GRM8: variants seen among roughly 807,000 people sequenced by gnomAD.
GRM8 encodes glutamate metabotropic receptor 8.
A neutral mutation model predicts 87.2 loss-of-function variants in GRM8; 47 were observed. The observed-to-expected ratio is 0.54, with a 90% CI of 0.43 to 0.69. GRM8 has a LOEUF of 0.69. Ranked by LOEUF, GRM8 falls within the 30% of genes least tolerant of loss-of-function variation. The pLI, the probability that GRM8 is intolerant of heterozygous loss-of-function variation, is 0.00. For synonymous variants in GRM8, 396 were observed against 404.5 expected, an observed-to-expected ratio of 0.98 and a Z score of 0.25; for missense variants, 1,019 against 1,139.2, an observed-to-expected ratio of 0.89 and a Z score of 1.52.
At chr7:126,705,659 TAAAC>T (rs1259325562) in intron 7 of GRM8, among the ~76,000 whole-genome samples, 1 of 152,038 alleles carries the variant, frequency 6.6e-6, no homozygotes, top group Non-Finnish European at 1.5e-5. Context: ...GTATGTATAT[TAAAC>T]TAACAGGTTA....
chr7:126,842,804 A>T (rs1037242315), intron 6 of GRM8, among the ~76,000 whole-genome samples: 1 of 152,186 alleles, frequency 6.6e-6, no homozygotes, highest in African/African-American at 2.4e-5. Flanking sequence ...GATTCTCCCT[A>T]GAGCCTTCAG....
chr7:127,022,630 A>G (rs1351180533), intron 3 of GRM8, among the ~76,000 whole-genome samples: 1 of 152,078 alleles, frequency 6.6e-6, no homozygotes, highest in Non-Finnish European at 1.5e-5. Flanking sequence ...GACTTCTAGG[A>G]AGAAGCATAT....
At chr7:126,508,346 C>T (rs76998563) in intron 9 of GRM8, among the ~76,000 whole-genome samples, 29,543 of 151,698 alleles carry the variant, frequency 0.19, 3,376 homozygotes, top group Non-Finnish European at 0.24. Context: ...CTTGTAAAGG[C>T]CCTCTTGCTG....
At chr7:126,455,323 C>G (rs964255583) in intron 9 of GRM8, among the ~76,000 whole-genome samples, 1 of 151,100 alleles carries the variant, frequency 6.6e-6, no homozygotes. Flanking sequence ...ATATCCTTAC[C>G]ACACACCATC....
At chr7:127,074,494 G>C (rs1822060474) in intron 3 of GRM8, among the ~76,000 whole-genome samples, 1 of 152,154 alleles carries the variant, frequency 6.6e-6, no homozygotes, top group Admixed American at 6.6e-5. Context: ...CCCTGTTCTA[G>C]GTGATGAGTC....
chr7:126,996,075 C>T (rs965388224), intron 3 of GRM8, among the ~76,000 whole-genome samples: 5 of 151,904 alleles, frequency 3.3e-5, no homozygotes, highest in Admixed American at 6.6e-5. Flanking sequence ...AGGATAAAAA[C>T]GTTTTACCCT....
intron 3 of GRM8, among the ~76,000 whole-genome samples, chr7:127,013,408 C>G (rs970742904): frequency 6.6e-6 from 1 of 152,058 alleles, no homozygotes; most frequent in African/African-American, 2.4e-5. Context: ...AACACTTGAC[C>G]CATGGCTACT....
chr7:126,528,940 T>C lies in GRM8; in HGVS notation c.2430+4012A>G, dbSNP rs140740286. Among the ~76,000 whole-genome samples the C allele has an allele frequency of 1.3e-4, 20 of 152,322 alleles. No individual in the cohort carries two copies. The East Asian group carries it at 3.9e-3, about 29-fold the overall frequency. On this transcript the variant is annotated intron_variant, in intron 9 of 10. Coordinates refer to ENST00000339582, the MANE Select transcript of GRM8 (RefSeq NM_000845.3). ...GGCACACCTGTGTACCCCTACACTC[T>C]TCTGCCCCTAAGGTAGATAAATAGA... is the stretch of plus-strand genomic sequence containing the variant.
At chr7:126,909,737 G>A (rs1474678021) in intron 3 of GRM8, among the ~76,000 whole-genome samples, 6 of 151,948 alleles carry the variant, frequency 3.9e-5, no homozygotes, top group Admixed American at 3.9e-4. Context: ...CTCCTTTCCA[G>A]TCTCATTTAC....
At chr7:126,561,014 C>T (rs1056938237) in intron 8 of GRM8, among the ~76,000 whole-genome samples, 5 of 152,148 alleles carry the variant, frequency 3.3e-5, no homozygotes, top group African/African-American at 1.2e-4. Context: ...GATTAGTCAG[C>T]TTTACTTCCT....
chr7:126,542,126 A>T (rs1306634433), intron 8 of GRM8, among the ~76,000 whole-genome samples: 1 of 152,196 alleles, frequency 6.6e-6, no homozygotes, highest in Non-Finnish European at 1.5e-5. Flanking sequence ...CTATGCCAAC[A>T]TCTTGGACTT....
intron 2 of GRM8, among the ~76,000 whole-genome samples, chr7:127,143,194 T>C (rs1361487969): frequency 6.6e-6 from 1 of 152,160 alleles, no homozygotes; most frequent in Non-Finnish European, 1.5e-5. Flanking sequence ...TAGGTAAGCC[T>C]GTTGGAAGGG....
chr7:126,644,729 T>C (rs1258268389), intron 7 of GRM8, among the ~76,000 whole-genome samples: 1 of 152,212 alleles, frequency 6.6e-6, no homozygotes, highest in East Asian at 1.9e-4. Context: ...GTTTAACAGC[T>C]GATTATCAAG....
At chr7:126,655,061 A>T (rs560052414) in intron 7 of GRM8, among the ~76,000 whole-genome samples, 1 of 152,382 alleles carries the variant, frequency 6.6e-6, no homozygotes, top group South Asian at 2.1e-4. Context: ...AAGTAAAAAA[A>T]GAACATACAT....
At chr7:126,829,314 C>T (rs1795123566) in intron 6 of GRM8, among the ~76,000 whole-genome samples, 1 of 137,218 alleles carries the variant, frequency 7.3e-6, no homozygotes, top group Non-Finnish European at 1.6e-5. Flanking sequence ...TTAAAGTCTC[C>T]CATTATTATT....
chr7:126,470,774 C>T (rs1012022197), intron 9 of GRM8, among the ~76,000 whole-genome samples: 1 of 152,154 alleles, frequency 6.6e-6, no homozygotes, highest in African/African-American at 2.4e-5. Context: ...ACACTGATTT[C>T]CACAATGGTT....
chr7:126,511,394 T>C (rs1811348216), intron 9 of GRM8: 1 of 152,144 alleles, frequency 6.6e-6, no homozygotes, highest in Non-Finnish European at 1.5e-5. Flanking sequence ...TCCTTGAGAA[T>C]TTTAGAATAA....
At chr7:127,208,836 A>G (rs1796059916) in intron 2 of GRM8, among the ~76,000 whole-genome samples, 1 of 152,190 alleles carries the variant, frequency 6.6e-6, no homozygotes, top group South Asian at 2.1e-4. Context: ...TTTCAGTCAT[A>G]TCATTACAGA....
chr7:126,842,850 T>C (rs1172672789), intron 6 of GRM8, among the ~76,000 whole-genome samples: 1 of 152,180 alleles, frequency 6.6e-6, no homozygotes, highest in Non-Finnish European at 1.5e-5. Context: ...TTGATTTTCA[T>C]CCAGAGAGAC....
Sources: gnomAD v4.1 joint callset for allele counts (sites outside exome capture counted in the v4.1 genomes callset) on GRCh38, gnomAD v4.1.1 for gene constraint, MANE v1.5 for transcripts, NCBI Gene and HGNC (gene_info 2026-07-23, HGNC 2026-07-21) for gene names.